PCDHA13: variants seen among roughly 807,000 people sequenced by gnomAD.
PCDHA13 encodes the protein protocadherin alpha 13.
Under a neutral mutation model 64.8 loss-of-function variants are expected in PCDHA13, and 54 were observed. The observed-to-expected ratio is 0.83, with a 90% CI of 0.67 to 1.04. PCDHA13 has a LOEUF of 1.04. Ranked by LOEUF, PCDHA13 falls within the 50% of genes least tolerant of loss-of-function variation. PCDHA13 has a pLI of 0.00. For synonymous variants in PCDHA13, 587 were observed against 564.4 expected, an observed-to-expected ratio of 1.04 and a Z score of -0.57; for missense variants, 1,248 against 1,254.3, an observed-to-expected ratio of 0.99 and a Z score of 0.08.
At chr5:140,962,622 G>A (rs1389569825) in intron 1 of PCDHA13, among the ~76,000 whole-genome samples, 2 of 152,130 alleles carry the variant, frequency 1.3e-5, no homozygotes, top group African/African-American at 2.4e-5. Context: ...AGGGAGATGT[G>A]AAAAAATTTA....
At chr5:140,968,273 G>A in intron 1 of PCDHA13, 1 of 1,614,080 alleles carries the variant, frequency 6.2e-7, no homozygotes, top group African/African-American at 1.3e-5. Context: ...GGAGAATGCA[G>A]AGGTGACCTA....
chr5:140,911,134 C>T (rs2075341856), intron 1 of PCDHA13, among the ~76,000 whole-genome samples: 1 of 152,108 alleles, frequency 6.6e-6, no homozygotes. Context: ...TCAGGCAGTG[C>T]AGGGTTTTTC....
rs1554180846 is a variant in PCDHA13, at chr5:140,883,970, C to A, written c.1702C>A (p.Pro568Thr). Residue 568 changes from proline (P) to threonine (T), a missense_variant, in exon 1 of 4, where the codon CCC becomes ACC. Physicochemically the swap from Pro to Thr is conservative, Grantham distance 38 (BLOSUM62 -1). Coordinates refer to ENST00000289272, the MANE Select transcript of PCDHA13 (RefSeq NM_018904.3). Reference sequence around the variant, plus strand: ...CGACAACGCTCCGGCGCTGCTGACGCCCGGGGCTGGCAGCGCGGGAGGCAC... The same window carrying A: ...CGACAACGCTCCGGCGCTGCTGACGACCGGGGCTGGCAGCGCGGGAGGCAC... ...ENDNAPALLT[P>T]GAGSAGGTVS... 6.2e-7 allele frequency: 1 copy of A among 1,612,990 alleles called. No homozygotes were observed. The highest frequency in any genetic ancestry group is 1.1e-5 in the South Asian group (1 of 91,046).
intron 1 of PCDHA13, among the ~76,000 whole-genome samples, chr5:140,941,846 C>T (rs2093181493): frequency 6.6e-6 from 1 of 152,178 alleles, no homozygotes; most frequent in Non-Finnish European, 1.5e-5. Flanking sequence ...CTGCCATTAC[C>T]TGATATTCCC....
At chr5:140,991,422 T>G (rs140209692) in intron 3 of PCDHA13, among the ~76,000 whole-genome samples, 7 of 152,330 alleles carry the variant, frequency 4.6e-5, no homozygotes, top group Admixed American at 1.3e-4. Context: ...TATAACAAAT[T>G]AACCATAAAC....
At position 140,884,506 on chromosome 5, in the gene PCDHA13, G is replaced by C. The variant is rs10076265; in HGVS notation, c.2238G>C (p.Gly746=). 4,595 of 1,614,168 alleles carry C rather than the reference G, an allele frequency of 2.8e-3. 101 individuals are homozygous for C. In the African/African-American group the frequency reaches 0.053, roughly 19 times the overall value. Residue 746 remains glycine (G), a synonymous_variant, in exon 1 of 4, where the codon GGG becomes GGC. Coordinates refer to ENST00000289272, the MANE Select transcript of PCDHA13 (RefSeq NM_018904.3). ...KPTLVCSSAA[G]SWSYSQQRRP... Reference sequence around the variant, plus strand: ...CTCTAGTGTGCTCCAGCGCGGCAGGGAGTTGGTCGTACTCGCAGCAGAGGC... The same window carrying C: ...CTCTAGTGTGCTCCAGCGCGGCAGGCAGTTGGTCGTACTCGCAGCAGAGGC...
At chr5:140,986,696 C>G (rs2097209947) in intron 3 of PCDHA13, among the ~76,000 whole-genome samples, 2 of 152,130 alleles carry the variant, frequency 1.3e-5, no homozygotes, top group South Asian at 2.1e-4. Context: ...TCAAAACACA[C>G]AGCACTGCAG....
intron 1 of PCDHA13, among the ~76,000 whole-genome samples, chr5:140,886,261 T>C (rs1162814294): frequency 1.3e-5 from 2 of 152,036 alleles, no homozygotes; most frequent in African/African-American, 4.8e-5. Context: ...TCTCTATTTA[T>C]AGATAAAATT....
intron 3 of PCDHA13, among the ~76,000 whole-genome samples, chr5:141,005,619 G>A (rs996010701): frequency 6.8e-5 from 10 of 146,082 alleles, no homozygotes; most frequent in South Asian, 2.2e-4. Flanking sequence ...GGAGAATGGC[G>A]TGAACCCGGG....
intron 3 of PCDHA13, among the ~76,000 whole-genome samples, chr5:140,995,268 C>G (rs2097673323): frequency 6.6e-6 from 1 of 152,110 alleles, no homozygotes; most frequent in Non-Finnish European, 1.5e-5. Flanking sequence ...AATACAAGCC[C>G]TTTGATACCA....
At chr5:140,896,099 C>T (rs1395621401) in intron 1 of PCDHA13, among the ~76,000 whole-genome samples, 1 of 152,236 alleles carries the variant, frequency 6.6e-6, no homozygotes, top group Non-Finnish European at 1.5e-5. Context: ...GCGTGAGCCA[C>T]TGTGCCTGGC....
At chr5:140,982,679 C>A in intron 3 of PCDHA13, 116 bp downstream of exon 3, 2 of 1,436,546 alleles carry the variant, frequency 1.4e-6, no homozygotes, top group Non-Finnish European at 9.2e-7. Flanking sequence ...TTGTTATTCC[C>A]TTTTTTCCAT....
At chr5:140,928,076 A>G (rs2084914697) in intron 1 of PCDHA13, 1 of 1,614,142 alleles carries the variant, frequency 6.2e-7, no homozygotes. Context: ...GACAACTACT[A>G]CAGCCTGCTG....
chr5:140,984,340 T>C (rs1224859959), intron 3 of PCDHA13, among the ~76,000 whole-genome samples: 1 of 152,242 alleles, frequency 6.6e-6, no homozygotes, highest in African/African-American at 2.4e-5. Flanking sequence ...ATAGGAACCA[T>C]GTATTGATAT....
intron 1 of PCDHA13, among the ~76,000 whole-genome samples, chr5:140,951,337 G>C (rs1346350844): frequency 6.6e-6 from 1 of 151,970 alleles, no homozygotes; most frequent in Non-Finnish European, 1.5e-5. Context: ...CATTCTGTTT[G>C]TGTTAGTCCA....
rs1472769366 is a variant in PCDHA13, at chr5:140,928,640, T to C, written c.2394+43978T>C. On this transcript the variant is annotated intron_variant, in intron 1 of 3. Transcript: ENST00000289272. ...AGGACTGGACACTTGGTCACAAAAG[T>C]GGTAGCAGAGGATGCTGACAGTGGT... The C allele has an allele frequency of 1.2e-6, 2 of 1,614,096 alleles. No individual in the cohort carries two copies. Among genetic ancestry groups the C allele is most frequent in the African/African-American group, 2.7e-5 (2 of 74,930 alleles).
intron 1 of PCDHA13, among the ~76,000 whole-genome samples, chr5:140,893,177 T>A (rs2063856203): frequency 6.6e-6 from 1 of 152,232 alleles, no homozygotes; most frequent in Admixed American, 6.5e-5. Flanking sequence ...TTCCACATAG[T>A]AGCTATTGTG....
intron 1 of PCDHA13, among the ~76,000 whole-genome samples, chr5:140,886,986 A>C (rs1246352877): frequency 6.6e-6 from 1 of 152,160 alleles, no homozygotes; most frequent in Non-Finnish European, 1.5e-5. Context: ...TGTAAATCCA[A>C]ATTTCCAGTT....
At chr5:140,904,826 TTA>T (rs1554191735) in intron 1 of PCDHA13, among the ~76,000 whole-genome samples, 2 of 152,206 alleles carry the variant, frequency 1.3e-5, no homozygotes, top group South Asian at 4.1e-4. Context: ...GAGCATTTTT[TTA>T]TATGTTTCAT....
Sources: gnomAD v4.1 joint callset for allele counts (sites outside exome capture counted in the v4.1 genomes callset) on GRCh38, gnomAD v4.1.1 for gene constraint, MANE v1.5 for transcripts, NCBI Gene and HGNC (gene_info 2026-07-23, HGNC 2026-07-21) for gene names.